Variants in VPS13D observed in about 807,000 individuals in gnomAD.
VPS13D encodes vacuolar protein sorting 13 homolog D, also known as intermembrane lipid transfer protein VPS13D.
VPS13D carries 187 observed loss-of-function variants against 461.9 expected under a neutral mutation model. The ratio of observed to expected loss-of-function variants is 0.40; its 90% confidence interval spans 0.36 to 0.46. VPS13D has a LOEUF of 0.46. Among genes scored for constraint, VPS13D ranks in the 20% least tolerant of loss-of-function variants. VPS13D has a pLI of 0.60. For missense variants in VPS13D, 4,711 were observed against 5,364.9 expected (o/e 0.88, Z 3.81); for synonymous variants, 1,951 against 1,986.3 (o/e 0.98, Z 0.47).
intron 3 of VPS13D, among the ~76,000 whole-genome samples, chr1:12,244,036 A>G (rs1640467994): frequency 6.6e-6 from 1 of 152,168 alleles, no homozygotes; most frequent in Admixed American, 6.5e-5. Context: ...AACTTTTTCC[A>G]GCTTATATAA....
At chr1:12,363,677 G>T (rs1351717424) in intron 52 of VPS13D, among the ~76,000 whole-genome samples, 1 of 152,050 alleles carries the variant, frequency 6.6e-6, no homozygotes, top group Admixed American at 6.6e-5. Flanking sequence ...TAACCAGGCC[G>T]GGCGCAGTGG....
Position 12,416,695 on chromosome 1 carries a change from A to G in VPS13D, c.12201A>G (p.Ser4067=). ...LLSQAARILG[S]VDFLGNPMGL... ...GCCAGGCAGCTCGAATCCTGGGATC[A>G]GTGGATTTTCTTGGCAATCCTATGG... The change falls in exon 65 of 70, where the codon TCA becomes TCG. Residue 4067 remains serine, a synonymous_variant. Coordinates refer to ENST00000620676, the MANE Select transcript of VPS13D (RefSeq NM_015378.4). 1 of 1,614,088 alleles carries G rather than the reference A, an allele frequency of 6.2e-7. No homozygotes were observed. Among genetic ancestry groups the G allele is most frequent in the South Asian group, 1.1e-5 (1 of 91,070 alleles).
At position 12,356,093 on chromosome 1, in the gene VPS13D, A is replaced by G. The variant is rs1015409365; in HGVS notation, c.9871+3A>G. On this transcript the variant is annotated splice_donor_region_variant and intron_variant, in intron 48 of 69. Transcript: ENST00000620676. Reference sequence around the variant, plus strand: ...ATATTGGCTGATTAACAAAACAGGTACATACAGGGGCTGCTCAAGTAGGTC... The same window carrying G: ...ATATTGGCTGATTAACAAAACAGGTGCATACAGGGGCTGCTCAAGTAGGTC... The G allele has an allele frequency of 1.2e-6, 2 of 1,605,934 alleles. No individual in the cohort carries two copies. The highest frequency in any genetic ancestry group is 1.7e-6 in the Non-Finnish European group (2 of 1,174,796).
intron 34 of VPS13D, 71 bp downstream of exon 34, chr1:12,322,817 C>A: frequency 7.2e-7 from 1 of 1,389,528 alleles, no homozygotes; most frequent in East Asian, 2.4e-5. Flanking sequence ...TTAAAATTTT[C>A]TTTTGCACAA....
intron 42 of VPS13D, among the ~76,000 whole-genome samples, chr1:12,344,689 C>T (rs1440954517): frequency 6.6e-6 from 1 of 152,058 alleles, no homozygotes; most frequent in Non-Finnish European, 1.5e-5. Flanking sequence ...TGGCTTTTTC[C>T]CCTTTTGGCA....
intron 49 of VPS13D, among the ~76,000 whole-genome samples, chr1:12,357,504 C>G (rs546736186): frequency 1.3e-5 from 2 of 152,294 alleles, no homozygotes; most frequent in South Asian, 4.1e-4. Context: ...TCACATAGAC[C>G]ATCTCATTGG....
Position 12,415,237 on chromosome 1 carries a change from G to A in VPS13D, c.12165+16G>A, listed in dbSNP as rs1313953591. ...TTTCCAGGAGGTGAGGCTTGGAGAA[G>A]TAATCATTGGCTGGAGCATAAGCAG... On this transcript the variant is annotated intron_variant, in intron 64 of 69. Transcript: ENST00000620676. 3 of 1,613,740 alleles carry A rather than the reference G, an allele frequency of 1.9e-6. No homozygotes were observed. The highest frequency in any genetic ancestry group is 1.1e-5 in the South Asian group (1 of 91,032).
chr1:12,403,020 A>G (rs7547740), intron 62 of VPS13D, among the ~76,000 whole-genome samples: 41,381 of 152,168 alleles, frequency 0.27, 6,278 homozygotes, highest in South Asian at 0.38. Flanking sequence ...CTTCCTCAGC[A>G]TAAATGGGCA....
intron 20 of VPS13D, among the ~76,000 whole-genome samples, chr1:12,281,685 A>G (rs995547365): frequency 2.0e-5 from 3 of 152,114 alleles, no homozygotes; most frequent in African/African-American, 7.2e-5. Flanking sequence ...TTAGGTGGCA[A>G]GAGCCTTGAT....
chr1:12,253,109 G>C (rs548088159), intron 6 of VPS13D, among the ~76,000 whole-genome samples: 1 of 149,564 alleles, frequency 6.7e-6, no homozygotes, highest in South Asian at 2.1e-4. Context: ...GGTGAGCCGA[G>C]ATCGTGCCGT....
rs142539948 is a variant in VPS13D, at chr1:12,492,161, G to T, written c.12663-5339G>T. 3.7e-3 allele frequency among the ~76,000 whole-genome samples: 564 copies of T among 152,350 alleles called. 2 individuals carry two copies. The highest frequency in any genetic ancestry group is 0.013 in the African/African-American group (544 of 41,582). On this transcript the variant is annotated intron_variant, in intron 67 of 69. Coordinates refer to ENST00000620676, the MANE Select transcript of VPS13D (RefSeq NM_015378.4). ...AACAAAGCCACCAGGGAGGCCGCAG[G>T]CCTAACAGTGGTGGGCCTGAGTCGT...
rs377430379 is a variant in VPS13D at position 12,235,179 on chromosome 1, G to T, written c.97+816G>T. The stretch of plus-strand genomic sequence containing the variant: ...AATACAGTGAAACCTCACCTTTGTG[G>T]ATGTGAGTTTTGGTAAGTGGACCAG... On this transcript the variant is annotated intron_variant, in intron 2 of 69. Coordinates refer to ENST00000620676, the MANE Select transcript of VPS13D (RefSeq NM_015378.4). Among the ~76,000 whole-genome samples the T allele has an allele frequency of 2.6e-5, 4 of 152,360 alleles. No homozygotes were observed. The East Asian group carries it at 5.8e-4, about 22-fold the overall frequency.
intron 32 of VPS13D, among the ~76,000 whole-genome samples, chr1:12,321,045 T>G (rs1390489634): frequency 6.6e-6 from 1 of 152,236 alleles, no homozygotes; most frequent in Non-Finnish European, 1.5e-5. Context: ...GATTGGTCTT[T>G]TCTTTCCGCT....
At chr1:12,280,677 C>T (rs928771132) in intron 20 of VPS13D, among the ~76,000 whole-genome samples, 19 of 151,772 alleles carry the variant, frequency 1.3e-4, no homozygotes, top group African/African-American at 4.1e-4. Flanking sequence ...TTAGTAGAGA[C>T]GGGGTTTCAC....
chr1:12,382,606 T>A (rs1315873905), intron 57 of VPS13D, among the ~76,000 whole-genome samples: 1 of 152,202 alleles, frequency 6.6e-6, no homozygotes, highest in Admixed American at 6.5e-5. Flanking sequence ...TTCAGAATAT[T>A]TCAGATTTTT....
chr1:12,327,622 C>A (rs772579778), intron 35 of VPS13D, 26 bp from the exon 36 acceptor site: 5 of 1,611,778 alleles, frequency 3.1e-6, no homozygotes, highest in Non-Finnish European at 4.2e-6. Context: ...GCTGGTAGAA[C>A]TGATCACTTC....
At chr1:12,491,926 C>A (rs1475172034) in intron 67 of VPS13D, among the ~76,000 whole-genome samples, 2 of 152,226 alleles carry the variant, frequency 1.3e-5, no homozygotes, top group Non-Finnish European at 2.9e-5. Flanking sequence ...ATACCGCAGA[C>A]CTTTGGCCAA....
At chr1:12,310,149 A>G (rs72866643) in intron 27 of VPS13D, among the ~76,000 whole-genome samples, 2,125 of 152,228 alleles carry the variant, frequency 0.014, 39 homozygotes, top group African/African-American at 0.048. Context: ...CCCCACTCCC[A>G]TCAGTGTTTC....
At position 12,495,404 on chromosome 1, in the gene VPS13D, C is replaced by T. The variant is rs775768469; in HGVS notation, c.12663-2096C>T. ...TGATCTCCTGACCCTGTGATCCATC[C>T]GCCTCGGCCTCCCAAAGTGCTGGGA... On this transcript the variant is annotated intron_variant, in intron 67 of 69. Transcript: ENST00000620676. This position sits in a 1 kb window ranked among gnomAD's most constrained non-coding sequence, Gnocchi z 4.0. 5.9e-5 allele frequency among the ~76,000 whole-genome samples: 9 copies of T among 152,112 alleles called. No homozygotes were observed. The highest frequency in any genetic ancestry group is 2.1e-4 in the South Asian group (1 of 4,824).
Sources: allele counts gnomAD v4.1 joint callset (sites outside exome capture counted in the v4.1 genomes callset), GRCh38; gene constraint gnomAD v4.1.1; non-coding constraint Gnocchi (gnomAD v3.1); transcripts MANE v1.5; gene names NCBI Gene and HGNC (gene_info 2026-07-23, HGNC 2026-07-21).